Variants in LRP1B observed in about 807,000 individuals in gnomAD.
The protein encoded by LRP1B is LDL receptor related protein 1B, also known as low-density lipoprotein receptor-related protein 1B.
In LRP1B, 217 loss-of-function variants were observed where a neutral mutation model predicts 556.6. That is an observed-to-expected ratio of 0.39 (90% CI 0.35 to 0.44). The LOEUF is 0.44. LRP1B is among the 20% of genes least tolerant of loss of function. The pLI is 1.00. For synonymous variants in LRP1B, 2,047 were observed against 1,865.8 expected (o/e 1.10, Z -2.50); for missense variants, 5,053 against 5,620.8 (o/e 0.90, Z 3.23).
rs757287327 is a variant in LRP1B, at chr2:140,701,848, G to A, written c.6303-3C>T. ...TGACAGACCCGTTTGCATGTGCTCT[G>A]CCAAAAAGTTGAACATACATGATCA... On this transcript the variant is annotated splice_region_variant and splice_polypyrimidine_tract_variant and intron_variant, in intron 39 of 90. Coordinates refer to ENST00000389484, the MANE Select transcript of LRP1B (RefSeq NM_018557.3). 1 of 1,612,170 alleles carries A rather than the reference G, an allele frequency of 6.2e-7. No individual in the cohort carries two copies. The highest frequency in any genetic ancestry group is 8.5e-7 in the Non-Finnish European group (1 of 1,179,068).
chr2:141,897,965 G>A (rs1699504759), intron 1 of LRP1B, among the ~76,000 whole-genome samples: 1 of 152,078 alleles, frequency 6.6e-6, no homozygotes, highest in Non-Finnish European at 1.5e-5. Context: ...GAATTTCATA[G>A]ATGATATCTG....
chr2:141,567,250 G>A (rs193274451), intron 2 of LRP1B, among the ~76,000 whole-genome samples: 1 of 151,572 alleles, frequency 6.6e-6, no homozygotes, highest in Admixed American at 6.6e-5. Context: ...CACAAATTGC[G>A]ATCATTTTTT....
Position 140,623,980 on chromosome 2 carries a change from G to C in LRP1B, c.6800-22341C>G, listed in dbSNP as rs1052416974. Among the ~76,000 whole-genome samples, 22 of 34,388 alleles carry C rather than the reference G, an allele frequency of 6.4e-4. 1 individual carries two copies. Among genetic ancestry groups the C allele is most frequent in the African/African-American group, 2.2e-3 (22 of 10,124 alleles). 22.6% of individuals were successfully genotyped at this position (34,388 alleles called of 152,430 possible). A position where few individuals can be genotyped will look rare whatever the true frequency, so the allele number is the denominator to read the frequency against. ...TGTATATATATATATATATAGCTTA[G>C]TTGTTTTAAAATCACTGTTAAAACA... On this transcript the variant is annotated intron_variant, in intron 41 of 90. Transcript: ENST00000389484.
rs201346349 is a variant in LRP1B at position 141,567,174 on chromosome 2, T to A, written c.206-86641A>T. 2.0e-5 allele frequency among the ~76,000 whole-genome samples: 3 copies of A among 152,318 alleles called. No homozygotes were observed. In the East Asian group the frequency reaches 5.8e-4, roughly 29 times the overall value. On this transcript the variant is annotated intron_variant, in intron 2 of 90. Coordinates refer to ENST00000389484, the MANE Select transcript of LRP1B (RefSeq NM_018557.3). ...ACAAAACTCCCAAATTCCTTGACTA[T>A]GCAATGGCATCAGATGTCTAAGGAA...
At chr2:142,070,404 T>A (rs1018812628) in intron 1 of LRP1B, among the ~76,000 whole-genome samples, 5 of 151,872 alleles carry the variant, frequency 3.3e-5, no homozygotes, top group African/African-American at 1.2e-4. Flanking sequence ...CTAAGGTTGC[T>A]TGTCTTTGTC....
intron 41 of LRP1B, among the ~76,000 whole-genome samples, chr2:140,696,242 TTTTGA>T (rs1233133996): frequency 6.6e-6 from 1 of 152,100 alleles, no homozygotes; most frequent in African/African-American, 2.4e-5. Context: ...AGGGTTTTAG[TTTTGA>T]TTTGTTTTGT....
At chr2:141,385,445 C>A (rs1359206885) in intron 3 of LRP1B, among the ~76,000 whole-genome samples, 2 of 151,966 alleles carry the variant, frequency 1.3e-5, no homozygotes, top group African/African-American at 4.8e-5. Context: ...ACTTAACTTG[C>A]AATAGTGGCA....
At chr2:140,560,089 G>A (rs561691546) in intron 43 of LRP1B, among the ~76,000 whole-genome samples, 2 of 152,196 alleles carry the variant, frequency 1.3e-5, no homozygotes, top group South Asian at 2.1e-4. Flanking sequence ...AAGGGCAAAT[G>A]TCACTATTAT....
chr2:141,495,310 G>T (rs1683473550), intron 2 of LRP1B, among the ~76,000 whole-genome samples: 1 of 152,104 alleles, frequency 6.6e-6, no homozygotes, highest in Non-Finnish European at 1.5e-5. Flanking sequence ...GAAAGTCATT[G>T]ATTTATTTTT....
At chr2:141,856,016 G>A (rs986362098) in intron 1 of LRP1B, among the ~76,000 whole-genome samples, 9 of 152,120 alleles carry the variant, frequency 5.9e-5, no homozygotes, top group Non-Finnish European at 1.0e-4. Context: ...TTAACTGAGT[G>A]TGCTATGTAA....
chr2:140,248,680 TTTTAA>T (rs1681276074), intron 86 of LRP1B, among the ~76,000 whole-genome samples: 1 of 151,650 alleles, frequency 6.6e-6, no homozygotes, highest in African/African-American at 2.4e-5. Flanking sequence ...TGTTTTTTCT[TTTTAA>T]TTTGTGGTAT....
At chr2:141,087,479 A>G (rs1258257022) in intron 7 of LRP1B, among the ~76,000 whole-genome samples, 1 of 152,158 alleles carries the variant, frequency 6.6e-6, no homozygotes, top group Non-Finnish European at 1.5e-5. Context: ...GGGCATATTC[A>G]CCTACTTCAG....
intron 25 of LRP1B, among the ~76,000 whole-genome samples, chr2:140,879,721 A>C (rs1373865046): frequency 6.6e-6 from 1 of 152,076 alleles, no homozygotes; most frequent in Non-Finnish European, 1.5e-5. Flanking sequence ...TCAAGTATAC[A>C]AAGACTTAAT....
chr2:140,666,236 A>G (rs1685266236), intron 41 of LRP1B, among the ~76,000 whole-genome samples: 1 of 151,696 alleles, frequency 6.6e-6, no homozygotes, highest in Non-Finnish European at 1.5e-5. Flanking sequence ...CTCGTTATCT[A>G]TCTGACTTAG....
intron 1 of LRP1B, among the ~76,000 whole-genome samples, chr2:142,098,616 A>G (rs1022967239): frequency 2.0e-5 from 3 of 151,832 alleles, no homozygotes; most frequent in Non-Finnish European, 2.9e-5. Context: ...CTACATTTTA[A>G]GAAGTCTGAT....
At chr2:141,799,274 C>T (rs1695925650) in intron 2 of LRP1B, among the ~76,000 whole-genome samples, 2 of 152,034 alleles carry the variant, frequency 1.3e-5, no homozygotes, top group African/African-American at 4.8e-5. Flanking sequence ...TATCACATTC[C>T]GTGACAAAAG....
chr2:142,009,504 T>G (rs899648078), intron 1 of LRP1B, among the ~76,000 whole-genome samples: 2 of 152,090 alleles, frequency 1.3e-5, no homozygotes, highest in African/African-American at 2.4e-5. Flanking sequence ...GTGCTAGGCC[T>G]TCAGATTTTT....
At chr2:140,506,021 GATA>G (rs1287945164) in intron 53 of LRP1B, among the ~76,000 whole-genome samples, 2 of 151,896 alleles carry the variant, frequency 1.3e-5, no homozygotes, top group Non-Finnish European at 2.9e-5. Flanking sequence ...TACATTTCAT[GATA>G]ATAATATTAA....
chr2:141,679,580 A>G (rs1245317259), intron 2 of LRP1B, among the ~76,000 whole-genome samples: 1 of 152,188 alleles, frequency 6.6e-6, no homozygotes, highest in East Asian at 1.9e-4. Context: ...CTGTACCCTC[A>G]GGCTACCAAT....
Sources: allele counts gnomAD v4.1 joint callset (sites outside exome capture counted in the v4.1 genomes callset), GRCh38; gene constraint gnomAD v4.1.1; transcripts MANE v1.5; gene names NCBI Gene and HGNC (gene_info 2026-07-23, HGNC 2026-07-21).